Variants in TPRX1 observed in about 807,000 individuals in gnomAD.
The protein encoded by TPRX1 is tetra-peptide repeat homeobox protein 1.
TPRX1 carries 2 observed loss-of-function variants against 8.1 expected under a neutral mutation model. The observed-to-expected ratio is 0.25, with a 90% CI of 0.10 to 0.78. The LOEUF is 0.78. TPRX1 is among the 30% of genes least tolerant of loss of function. The probability of loss-of-function intolerance (pLI) is 0.70; values close to 1 mark genes in which losing one functional copy is unlikely to be tolerated. For synonymous variants in TPRX1, 257 were observed against 254.1 expected, an observed-to-expected ratio of 1.01 and a Z score of -0.11; for missense variants, 517 against 586.9, an observed-to-expected ratio of 0.88 and a Z score of 1.23.
chr19:47,807,968 G>C (rs1023049302), intron 2 of TPRX1, among the ~76,000 whole-genome samples: 1 of 151,988 alleles, frequency 6.6e-6, no homozygotes, highest in African/African-American at 2.4e-5. Flanking sequence ...TTGCTCTGTT[G>C]CCCAGATTGG....
chr19:47,817,338 G>A (rs536338467), intron 2 of TPRX1, among the ~76,000 whole-genome samples: 14 of 152,202 alleles, frequency 9.2e-5, no homozygotes, highest in African/African-American at 2.2e-4. Flanking sequence ...CTTTACAGAG[G>A]AGGAAACTGA....
At chr19:47,810,254 CAAAAAAA>C (rs767070353) in intron 2 of TPRX1, among the ~76,000 whole-genome samples, 361 of 21,370 alleles carry the variant, frequency 0.017, no homozygotes, top group African/African-American at 0.056. Context: ...GACTCCATCT[CAAAAAAA>C]AAAAAAAAAA....
At chr19:47,817,956 G>A (rs1293039179) in intron 2 of TPRX1, among the ~76,000 whole-genome samples, 1 of 152,240 alleles carries the variant, frequency 6.6e-6, no homozygotes, top group African/African-American at 2.4e-5. Context: ...CTGAGTGGAT[G>A]CACCCACTAC....
intron 2 of TPRX1, among the ~76,000 whole-genome samples, chr19:47,805,712 T>C (rs1191006570): frequency 6.6e-6 from 1 of 152,178 alleles, no homozygotes; most frequent in Non-Finnish European, 1.5e-5. Context: ...ATTGTCCGGC[T>C]TCATCTACAG....
chr19:47,813,140 T>TAAATAAATA (rs746161206), intron 2 of TPRX1, among the ~76,000 whole-genome samples: 5 of 130,720 alleles, frequency 3.8e-5, no homozygotes, highest in African/African-American at 1.4e-4. Context: ...AATAAATAAA[T>TAAATAAATA]AATAATAAAT....
chr19:47,812,538 G>A (rs372962828), intron 2 of TPRX1, among the ~76,000 whole-genome samples: 4 of 150,730 alleles, frequency 2.7e-5, no homozygotes, highest in East Asian at 2.0e-4. Flanking sequence ...GTTCGAGACC[G>A]GCCTGGCCAA....
At chr19:47,811,964 T>C (rs902202054) in intron 2 of TPRX1, among the ~76,000 whole-genome samples, 6 of 151,384 alleles carry the variant, frequency 4.0e-5, no homozygotes, top group African/African-American at 1.5e-4. Flanking sequence ...CCTCCTGGGC[T>C]CAAGCAATTC....
intron 2 of TPRX1, among the ~76,000 whole-genome samples, chr19:47,804,951 C>T (rs891018452): frequency 3.9e-5 from 6 of 152,190 alleles, no homozygotes; most frequent in East Asian, 1.9e-4. Flanking sequence ...TGACCAATGC[C>T]GGTGAGTCTA....
rs1038689820 is a variant in TPRX1, at chr19:47,802,961, C to T, written c.341G>A (p.Arg114His). The T allele has an allele frequency of 1.8e-5, 28 of 1,539,754 alleles. No individual in the cohort carries two copies. Among genetic ancestry groups the T allele is most frequent in the African/African-American group, 9.5e-5 (7 of 74,052 alleles). Reference sequence around the variant, plus strand: ...CCGCCGCTCCCGAGCTAGTTTGGCGCGGCGATTCTTGAACCACACCTGGGG... The same window carrying T: ...CCGCCGCTCCCGAGCTAGTTTGGCGTGGCGATTCTTGAACCACACCTGGGG... Residue 114 changes from arginine (R) to histidine (H), a missense_variant, in exon 4 of 4, where the codon CGC becomes CAC. Arg to His is a conservative substitution (Grantham distance 29, BLOSUM62 0). This residue lies in a region of TPRX1 where 506 missense variants were observed against 515.5 expected (regional missense o/e 0.98). Transcript: ENST00000535759.
chr19:47,801,650 C>G (rs111411093), exon 4 of TPRX1: 9 of 1,158,106 alleles, frequency 7.8e-6, no homozygotes, highest in Non-Finnish European at 1.1e-5. Flanking sequence ...ACAGTGAAGA[C>G]AGCAAATGTC....
chr19:47,803,386 G>C (rs890789258), intron 3 of TPRX1, 118 bp downstream of exon 2: 16 of 696,032 alleles, frequency 2.3e-5, no homozygotes, highest in Non-Finnish European at 3.8e-5. Flanking sequence ...CTACACTGGC[G>C]GGACCCCTTG....
chr19:47,806,862 GT>G (rs1967739936), intron 2 of TPRX1, among the ~76,000 whole-genome samples: 1 of 152,052 alleles, frequency 6.6e-6, no homozygotes, highest in African/African-American at 2.4e-5. Context: ...AAAATTGACT[GT>G]AGTGAAGGAG....
At chr19:47,803,922 C>G (rs1052549543) in intron 2 of TPRX1, among the ~76,000 whole-genome samples, 2 of 152,202 alleles carry the variant, frequency 1.3e-5, no homozygotes, top group Admixed American at 1.3e-4. Context: ...GCAGACGGGG[C>G]TGCCTCAGGC....
exon 3 of TPRX1, chr19:47,803,630 C>T: frequency 4.0e-6 from 5 of 1,260,560 alleles, no homozygotes; most frequent in Middle Eastern, 2.3e-4. Flanking sequence ...AGACCGTGCG[C>T]TCCTGCCGCT....
intron 2 of TPRX1, among the ~76,000 whole-genome samples, chr19:47,808,330 G>T (rs1967753111): frequency 1.3e-5 from 2 of 152,008 alleles, no homozygotes; most frequent in Admixed American, 1.3e-4. Flanking sequence ...GTCCAGGCTG[G>T]TCTTGAACTC....
chr19:47,803,241 G>A (rs1405451142), intron 3 of TPRX1, among the ~76,000 whole-genome samples: 1 of 151,938 alleles, frequency 6.6e-6, no homozygotes, highest in Non-Finnish European at 1.5e-5. Context: ...AGGGTTCGAG[G>A]GGAGGGACCG....
At chr19:47,815,113 A>AC in intron 2 of TPRX1, among the ~76,000 whole-genome samples, 2 of 9,810 alleles carry the variant, frequency 2.0e-4, no homozygotes, top group Non-Finnish European at 4.8e-4. Context: ...AAATAGATAA[A>AC]TTATATATAT....
intron 2 of TPRX1, among the ~76,000 whole-genome samples, chr19:47,808,530 C>T (rs1232067920): frequency 1.3e-5 from 2 of 152,036 alleles, no homozygotes; most frequent in Non-Finnish European, 2.9e-5. Context: ...ACCTCTGCCT[C>T]CTGGGTTCAA....
At chr19:47,807,913 G>A (rs534741924) in intron 2 of TPRX1, among the ~76,000 whole-genome samples, 1 of 151,966 alleles carries the variant, frequency 6.6e-6, no homozygotes, top group African/African-American at 2.4e-5. Context: ...AGGATGAAAT[G>A]TGTATAGTAC....
Sources: gnomAD v4.1 joint callset for allele counts (sites outside exome capture counted in the v4.1 genomes callset) on GRCh38, gnomAD v4.1.1 for gene constraint, gnomAD v4.1.1 regional missense constraint, MANE v1.5 for transcripts, NCBI Gene and HGNC (gene_info 2026-07-23, HGNC 2026-07-21) for gene names.